PPP1R9A: variants seen among roughly 807,000 people sequenced by gnomAD.
PPP1R9A encodes protein phosphatase 1 regulatory subunit 9A.
A neutral mutation model predicts 141.9 loss-of-function variants in PPP1R9A; 59 were observed. The ratio of observed to expected loss-of-function variants is 0.42; its 90% CI spans 0.34 to 0.52. The LOEUF (loss-of-function observed/expected upper bound fraction) is 0.52. Ranked by LOEUF, PPP1R9A falls within the 20% of genes least tolerant of loss-of-function variation. The pLI is 0.10. For missense variants in PPP1R9A, 1,444 were observed against 1,611.9 expected, an observed-to-expected ratio of 0.90 and a Z score of 1.78; for synonymous variants, 500 against 569.7, an observed-to-expected ratio of 0.88 and a Z score of 1.74.
At chr7:95,019,030 C>CG (rs1225627678) in intron 2 of PPP1R9A, among the ~76,000 whole-genome samples, 1 of 152,202 alleles carries the variant, frequency 6.6e-6, no homozygotes, top group Admixed American at 6.5e-5. Flanking sequence ...AACATTAACT[C>CG]TTAACTTCAT....
At chr7:95,058,367 A>G (rs191853266) in intron 2 of PPP1R9A, among the ~76,000 whole-genome samples, 1 of 152,342 alleles carries the variant, frequency 6.6e-6, no homozygotes, top group Non-Finnish European at 1.5e-5. Flanking sequence ...ATTACACACA[A>G]GAAGATGTAC....
intron 2 of PPP1R9A, among the ~76,000 whole-genome samples, chr7:94,937,119 T>C (rs887419707): frequency 2.9e-4 from 44 of 152,142 alleles, no homozygotes; most frequent in Non-Finnish European, 5.1e-4. Context: ...TTATTTCCGA[T>C]GTTTTTGCTT....
rs200855695 is a variant in PPP1R9A, at chr7:95,265,109, CA to C, written c.2666-3433del. Among the ~76,000 whole-genome samples, 17 of 151,650 alleles carry C rather than the reference CA, an allele frequency of 1.1e-4. 1 individual carries two copies. Among genetic ancestry groups the C allele is most frequent in the Admixed American group, 1.1e-3 (17 of 15,198 alleles). ...TTTTATTCTTGGATATATGTAAAGC[CA>C]AAAAAAATCCCTCAGTGTTGGGGGT... On this transcript the variant is annotated intron_variant, in intron 12 of 19. Coordinates refer to ENST00000433360, the MANE Select transcript of PPP1R9A (RefSeq NM_001166160.2).
chr7:95,078,270 G>A (rs1046504684), intron 2 of PPP1R9A, among the ~76,000 whole-genome samples: 17 of 151,610 alleles, frequency 1.1e-4, no homozygotes, highest in African/African-American at 4.1e-4. Flanking sequence ...TGACAATGAT[G>A]ATTTCCAATT....
chr7:94,932,584 G>A (rs1168587996), intron 2 of PPP1R9A, among the ~76,000 whole-genome samples: 2 of 152,060 alleles, frequency 1.3e-5, no homozygotes, highest in Non-Finnish European at 2.9e-5. Context: ...CATGGCATTT[G>A]ACCTTGAAAT....
intron 2 of PPP1R9A, among the ~76,000 whole-genome samples, chr7:94,930,932 G>A (rs35734604): frequency 0.072 from 11,032 of 152,236 alleles, 487 homozygotes; most frequent in Admixed American, 0.14. Flanking sequence ...AACCAGTGCT[G>A]GGCTTAGCTG....
At chr7:94,944,534 TA>T (rs1167388877) in intron 2 of PPP1R9A, among the ~76,000 whole-genome samples, 1 of 151,696 alleles carries the variant, frequency 6.6e-6, no homozygotes, top group Non-Finnish European at 1.5e-5. Flanking sequence ...AATTTTTACT[TA>T]AGGGGGAAGA....
chr7:95,129,629 C>T (rs1009221227), intron 4 of PPP1R9A, among the ~76,000 whole-genome samples: 1 of 152,116 alleles, frequency 6.6e-6, no homozygotes, highest in Non-Finnish European at 1.5e-5. Flanking sequence ...CAGAAGAAGA[C>T]AGGAAAATGT....
intron 4 of PPP1R9A, among the ~76,000 whole-genome samples, chr7:95,159,650 G>A (rs898263974): frequency 3.9e-5 from 6 of 151,942 alleles, no homozygotes; most frequent in African/African-American, 4.8e-5. Context: ...CGGGCCGACC[G>A]TGGTGGCTCA....
rs141593033 is a variant in PPP1R9A, at chr7:95,113,715, G to A, written c.1528+2324G>A. On this transcript the variant is annotated intron_variant, in intron 3 of 19. Coordinates refer to ENST00000433360, the MANE Select transcript of PPP1R9A (RefSeq NM_001166160.2). The stretch of plus-strand genomic sequence containing the variant: ...CATTTACCTATCCTGGTGAAAGAAA[G>A]ACATCTGCTGCTATCTAAGGATTTA... Among the ~76,000 whole-genome samples the A allele has an allele frequency of 2.2e-3, 337 of 152,268 alleles. 1 individual carries two copies. The highest frequency in any genetic ancestry group is 7.8e-3 in the African/African-American group (325 of 41,546).
At chr7:95,227,259 C>G (rs1374832689) in intron 8 of PPP1R9A, among the ~76,000 whole-genome samples, 1 of 152,182 alleles carries the variant, frequency 6.6e-6, no homozygotes, top group Non-Finnish European at 1.5e-5. Context: ...ATAGTATTCC[C>G]TGGCGAAAGC....
At chr7:94,985,903 G>GT (rs1415145058) in intron 2 of PPP1R9A, among the ~76,000 whole-genome samples, 2 of 152,178 alleles carry the variant, frequency 1.3e-5, no homozygotes, top group African/African-American at 4.8e-5. Context: ...ATATGAGAAA[G>GT]TTTTCAGAAA....
chr7:95,101,160 T>C lies in PPP1R9A; in HGVS notation c.1396-10099T>C, dbSNP rs925917350. ...AGCCACCGCGCCCGGCCTCTTTGTCTGATTTATTGTCATTAATGTTTTCAC... is the reference window on the plus strand; with the variant it reads ...AGCCACCGCGCCCGGCCTCTTTGTCCGATTTATTGTCATTAATGTTTTCAC... On this transcript the variant is annotated intron_variant, in intron 2 of 19. Transcript: ENST00000433360. Among the ~76,000 whole-genome samples, 3 of 152,192 alleles carry C rather than the reference T, an allele frequency of 2.0e-5. No homozygotes were observed. The South Asian group carries it at 6.2e-4, about 31-fold the overall frequency.
In PPP1R9A at chr7:95,186,940, A is replaced by G. The variant is rs144531811; in HGVS notation, c.1755-11409A>G. On this transcript the variant is annotated intron_variant, in intron 5 of 19. Coordinates refer to ENST00000433360, the MANE Select transcript of PPP1R9A (RefSeq NM_001166160.2). The stretch of plus-strand genomic sequence containing the variant: ...TATTTTATTGAGGATTTTTGCATCT[A>G]TGTTCATCAGGAATGTTGGTCTGTA... 8.0e-3 allele frequency among the ~76,000 whole-genome samples: 1,214 copies of G among 152,122 alleles called. 17 individuals are homozygous for G. The highest frequency in any genetic ancestry group is 0.027 in the African/African-American group (1,138 of 41,512).
In PPP1R9A at chr7:94,954,392, T is replaced by A. The variant is rs577813959; in HGVS notation, c.1395+42884T>A. Among the ~76,000 whole-genome samples, 4 of 152,140 alleles carry A rather than the reference T, an allele frequency of 2.6e-5. No individual in the cohort carries two copies. The South Asian group carries it at 8.3e-4, about 31-fold the overall frequency. Reference sequence around the variant, plus strand: ...AAGTTTAGACTTATGTCTTCCTTTATAATTTTAAAAGTCATTCTTTCCTTA... The same window carrying A: ...AAGTTTAGACTTATGTCTTCCTTTAAAATTTTAAAAGTCATTCTTTCCTTA... On this transcript the variant is annotated intron_variant, in intron 2 of 19. Transcript: ENST00000433360.
At chr7:95,284,632 T>G (rs1360901156) in intron 17 of PPP1R9A, among the ~76,000 whole-genome samples, 1 of 152,244 alleles carries the variant, frequency 6.6e-6, no homozygotes, top group Non-Finnish European at 1.5e-5. Flanking sequence ...AATTTGGGAC[T>G]GAATACGAGT....
intron 17 of PPP1R9A, 41 bp from the exon 18 acceptor site, chr7:95,286,165 C>T (rs1805284986): frequency 6.2e-7 from 1 of 1,606,900 alleles, no homozygotes; most frequent in Admixed American, 1.7e-5. Flanking sequence ...CTTGCTCACT[C>T]ACTGCACTCA....
chr7:95,181,705 A>C (rs895770877), intron 5 of PPP1R9A, among the ~76,000 whole-genome samples: 9 of 132,040 alleles, frequency 6.8e-5, no homozygotes, highest in African/African-American at 2.6e-4. Context: ...TATAGAATAT[A>C]TATATATTCC....
chr7:95,261,207 G>T (rs920608168), intron 12 of PPP1R9A, among the ~76,000 whole-genome samples: 4 of 152,166 alleles, frequency 2.6e-5, no homozygotes, highest in African/African-American at 7.2e-5. Context: ...AGGGAAACAT[G>T]ACCAGTCACA....
Sources: gnomAD v4.1 joint callset for allele counts (sites outside exome capture counted in the v4.1 genomes callset) on GRCh38, gnomAD v4.1.1 for gene constraint, MANE v1.5 for transcripts, NCBI Gene and HGNC (gene_info 2026-07-23, HGNC 2026-07-21) for gene names.